KCNQ1: variants seen among roughly 807,000 people sequenced by gnomAD.
The protein encoded by KCNQ1 is potassium voltage-gated channel subfamily KQT member 1.
A neutral mutation model predicts 72.4 loss-of-function variants in KCNQ1; 49 were observed. The ratio of observed to expected loss-of-function variants is 0.68; its 90% CI spans 0.54 to 0.86. The LOEUF (loss-of-function observed/expected upper bound fraction) is 0.86, where lower values mean the gene tolerates loss of function less well. Among genes scored for constraint, KCNQ1 ranks in the 40% least tolerant of loss-of-function variants. The probability of loss-of-function intolerance (pLI) is 0.00; values close to 1 mark genes in which losing one functional copy is unlikely to be tolerated. For missense variants in KCNQ1, 790 were observed against 945.1 expected, an observed-to-expected ratio of 0.84 and a Z score of 2.15; for synonymous variants, 450 against 412.6, an observed-to-expected ratio of 1.09 and a Z score of -1.10.
In KCNQ1 at chr11:2,617,586, G is replaced by A; in HGVS notation, c.1393+28732G>A. 1.3e-5 allele frequency: 5 copies of A among 398,368 alleles called. No individual in the cohort carries two copies. The highest frequency in any genetic ancestry group is 4.4e-5 in the Admixed American group (1 of 22,706). 24.7% of individuals were successfully genotyped at this position (398,368 alleles called of 1,614,324 possible). On this transcript the variant is annotated intron_variant, in intron 10 of 15. Coordinates refer to ENST00000155840, the MANE Select transcript of KCNQ1 (RefSeq NM_000218.3). The surrounding 1 kb of genome is among the most constrained non-coding windows in gnomAD (Gnocchi z 4.6). Reference sequence around the variant, plus strand: ...TTCTTTGGGAATATACCTAGAAGAGGGATTAGTGGGTCAGATGATAGTATA... The same window carrying A: ...TTCTTTGGGAATATACCTAGAAGAGAGATTAGTGGGTCAGATGATAGTATA...
intron 11 of KCNQ1, among the ~76,000 whole-genome samples, chr11:2,700,966 G>A (rs956870709): frequency 6.6e-6 from 1 of 152,376 alleles, no homozygotes; most frequent in Admixed American, 6.5e-5. Context: ...GCTGGGGGCC[G>A]TTTGGCCCTT....
chr11:2,569,697 C>T (rs1157430082), intron 2 of KCNQ1, among the ~76,000 whole-genome samples: 3 of 152,248 alleles, frequency 2.0e-5, no homozygotes, highest in South Asian at 4.1e-4. Context: ...GCGCTGGGCT[C>T]CAGCCTGCAG....
At chr11:2,522,667 CATTT>C (rs925336054) in intron 1 of KCNQ1, among the ~76,000 whole-genome samples, 12 of 152,260 alleles carry the variant, frequency 7.9e-5, no homozygotes, top group African/African-American at 2.9e-4. Flanking sequence ...TCGGAAGAAT[CATTT>C]AGCCTTCAGA....
rs778753477 is a variant in KCNQ1 at position 2,492,932 on chromosome 11, G to A, written c.387-34996G>A. On this transcript the variant is annotated intron_variant, in intron 1 of 15. Coordinates refer to ENST00000155840, the MANE Select transcript of KCNQ1 (RefSeq NM_000218.3). The surrounding 1 kb of genome is among the most constrained non-coding windows in gnomAD (Gnocchi z 4.1). Reference sequence around the variant, plus strand: ...TAGAATCTAGTTCTAGAATCACCACGCTGTCTTCCACAATGGTTGAACTAA... The same window carrying A: ...TAGAATCTAGTTCTAGAATCACCACACTGTCTTCCACAATGGTTGAACTAA... 6.6e-6 allele frequency among the ~76,000 whole-genome samples: 1 copy of A among 152,190 alleles called. No individual in the cohort carries two copies. The highest frequency in any genetic ancestry group is 3.4e-3 in the Middle Eastern group (1 of 294).
chr11:2,457,508 G>A lies in KCNQ1; in HGVS notation c.386+12024G>A, dbSNP rs149561693. Among the ~76,000 whole-genome samples the A allele has an allele frequency of 2.6e-3, 403 of 152,248 alleles. No homozygotes were observed. Among genetic ancestry groups the A allele is most frequent in the Non-Finnish European group, 4.2e-3 (283 of 68,032 alleles). The stretch of plus-strand genomic sequence containing the variant: ...GCAGCTGGAGGTCGTTATCCTAAGT[G>A]AATTAATGCAGAAACTGAAAACCAA... On this transcript the variant is annotated intron_variant, in intron 1 of 15. Coordinates refer to ENST00000155840, the MANE Select transcript of KCNQ1 (RefSeq NM_000218.3). This position sits in a 1 kb window ranked among gnomAD's most constrained non-coding sequence, Gnocchi z 5.0.
rs1847600968 is a variant in KCNQ1, at chr11:2,815,783, C to T, written c.1795-31984C>T. On this transcript the variant is annotated intron_variant, in intron 15 of 15. Coordinates refer to ENST00000155840, the MANE Select transcript of KCNQ1 (RefSeq NM_000218.3). This position sits in a 1 kb window ranked among gnomAD's most constrained non-coding sequence, Gnocchi z 5.4. ...GCCCTGGAGGTACTGGGTGGAGCTG[C>T]CCCCAGCCCTTCCTGCTGGCCTCCC... Among the ~76,000 whole-genome samples, 1 of 152,136 alleles carries T rather than the reference C, an allele frequency of 6.6e-6. No individual in the cohort carries two copies. Among genetic ancestry groups the T allele is most frequent in the Non-Finnish European group, 1.5e-5 (1 of 68,002 alleles).
chr11:2,625,380 C>T (rs918921779), intron 10 of KCNQ1: 3 of 398,490 alleles, frequency 7.5e-6, no homozygotes, highest in African/African-American at 4.1e-5. Flanking sequence ...CTTAACCTCC[C>T]ACGTAGCTGA....
Position 2,492,022 on chromosome 11 carries a change from A to G in KCNQ1, c.387-35906A>G, listed in dbSNP as rs1388499766. 6.6e-6 allele frequency among the ~76,000 whole-genome samples: 1 copy of G among 152,212 alleles called. No homozygotes were observed. The highest frequency in any genetic ancestry group is 1.5e-5 in the Non-Finnish European group (1 of 68,034). On this transcript the variant is annotated intron_variant, in intron 1 of 15. Coordinates refer to ENST00000155840, the MANE Select transcript of KCNQ1 (RefSeq NM_000218.3). This position sits in a 1 kb window ranked among gnomAD's most constrained non-coding sequence, Gnocchi z 4.1. ...GAAGGAGAAATACAGACCTTCCCAG[A>G]CAAACAAAAGCTGAGGATGTCATCA... is the stretch of plus-strand genomic sequence containing the variant.
At chr11:2,648,501 A>G (rs1323070277) in intron 10 of KCNQ1, 2 of 398,300 alleles carry the variant, frequency 5.0e-6, no homozygotes, top group Non-Finnish European at 8.8e-6. Context: ...AGAATTTTTA[A>G]ATTTTTAAAA....
Position 2,543,358 on chromosome 11 carries a change from C to T in KCNQ1, c.477+15340C>T, listed in dbSNP as rs531544062. Among the ~76,000 whole-genome samples the T allele has an allele frequency of 9.3e-4, 142 of 152,180 alleles. No individual in the cohort carries two copies. The highest frequency in any genetic ancestry group is 3.0e-3 in the African/African-American group (123 of 41,522). ...GCGTAAACGTAGCTCACTGCAACCT[C>T]GAATTCCTGGGCTCCGAGGATCCTC... On this transcript the variant is annotated intron_variant, in intron 2 of 15. Transcript: ENST00000155840. This position sits in a 1 kb window ranked among gnomAD's most constrained non-coding sequence, Gnocchi z 5.6.
intron 2 of KCNQ1, among the ~76,000 whole-genome samples, chr11:2,561,208 A>AAAAAAAAAAG (rs1554891922): frequency 6.8e-6 from 1 of 147,740 alleles, no homozygotes; most frequent in Admixed American, 7.0e-5. Flanking sequence ...CTCAAAAAAA[A>AAAAAAAAAAG]AAAAAAAGAA....
chr11:2,455,236 A>T (rs1175736969), intron 1 of KCNQ1, among the ~76,000 whole-genome samples: 6 of 152,068 alleles, frequency 3.9e-5, no homozygotes, highest in African/African-American at 1.4e-4. Context: ...TAGCTGGGAC[A>T]ACAGGCGTCT....
intron 11 of KCNQ1, chr11:2,699,114 C>T (rs1038169526): frequency 1.0e-5 from 4 of 398,542 alleles, no homozygotes; most frequent in African/African-American, 8.2e-5. Flanking sequence ...GACTCAGAAC[C>T]ACGATGCGGA....
intron 10 of KCNQ1, chr11:2,615,869 C>T (rs1374772730): frequency 2.5e-6 from 1 of 397,984 alleles, no homozygotes; most frequent in African/African-American, 2.1e-5. Context: ...CCATGTAATA[C>T]TGGCCTCATA....
At chr11:2,629,683 C>G in intron 10 of KCNQ1, 1 of 398,368 alleles carries the variant, frequency 2.5e-6, no homozygotes, top group Non-Finnish European at 4.4e-6. Context: ...CTTTTTGATG[C>G]TATTTTAAAT....
intron 6 of KCNQ1, among the ~76,000 whole-genome samples, chr11:2,580,879 T>TGCACGTGCC (rs1326568419): frequency 6.6e-6 from 1 of 152,230 alleles, no homozygotes; most frequent in Non-Finnish European, 1.5e-5. Context: ...AGTCTCGGGC[T>TGCACGTGCC]GCACGTGCCA....
intron 10 of KCNQ1, among the ~76,000 whole-genome samples, chr11:2,590,677 G>T (rs73413288): frequency 0.05 from 7,553 of 152,290 alleles, 628 homozygotes; most frequent in African/African-American, 0.17. Flanking sequence ...GCTCCTTGAA[G>T]TCTCAGCCCC....
rs1321463145 is a variant in KCNQ1, at chr11:2,613,128, C to A, written c.1393+24274C>A. Reference sequence around the variant, plus strand: ...AAACATCTTGAGCCAGTGAATCTTCCACCCTCTGCTGAGGGGATCTATGTG... The same window carrying A: ...AAACATCTTGAGCCAGTGAATCTTCAACCCTCTGCTGAGGGGATCTATGTG... On this transcript the variant is annotated intron_variant, in intron 10 of 15. Transcript: ENST00000155840. The surrounding 1 kb of genome is among the most constrained non-coding windows in gnomAD (Gnocchi z 4.8). 1 of 398,506 alleles carries A rather than the reference C, an allele frequency of 2.5e-6. No individual in the cohort carries two copies. Among genetic ancestry groups the A allele is most frequent in the Non-Finnish European group, 4.4e-6 (1 of 226,090 alleles). The allele number at this position is 398,506 out of a possible 1,614,324, so 24.7% of individuals were successfully genotyped here.
intron 10 of KCNQ1, chr11:2,635,659 A>G (rs1208012440): frequency 6.6e-6 from 1 of 152,198 alleles, no homozygotes; most frequent in Non-Finnish European, 1.5e-5. Flanking sequence ...TGTCTTGGCA[A>G]TGCGGGCTCT....
Sources: allele counts gnomAD v4.1 joint callset (sites outside exome capture counted in the v4.1 genomes callset), GRCh38; gene constraint gnomAD v4.1.1; non-coding constraint Gnocchi (gnomAD v3.1); transcripts MANE v1.5; gene names NCBI Gene and HGNC (gene_info 2026-07-23, HGNC 2026-07-21).